CIBAR1: variants seen among roughly 807,000 people sequenced by gnomAD.
The protein encoded by CIBAR1 is CBY1-interacting BAR domain-containing protein 1.
Under a neutral mutation model 44.0 loss-of-function variants are expected in CIBAR1, and 25 were observed. The observed-to-expected ratio is 0.57, with a 90% CI of 0.41 to 0.79. The LOEUF (loss-of-function observed/expected upper bound fraction) is 0.79, where lower values mean the gene tolerates loss of function less well. Ranked by LOEUF, CIBAR1 falls within the 30% of genes least tolerant of loss-of-function variation. The pLI, the probability that CIBAR1 is intolerant of heterozygous loss-of-function variation, is 0.00. For missense variants in CIBAR1, 278 were observed against 344.8 expected (o/e 0.81, Z 1.53); for synonymous variants, 115 against 119.0 (o/e 0.97, Z 0.22).
chr8:93,702,254 TAA>T (rs771274771), intron 2 of CIBAR1: 6 of 428,582 alleles, frequency 1.4e-5, no homozygotes, highest in Non-Finnish European at 2.8e-5. Context: ...ATTTGAAGAG[TAA>T]TCATATTTGG....
chr8:93,725,103 C>T lies in CIBAR1; in HGVS notation c.658-1291C>T, dbSNP rs1811425515. ...GCTCAAGTGATTCTCCTGCGTCAGC[C>T]TCCCAAGTAGCTGGGACTACAAGCA... On this transcript the variant is annotated intron_variant, in intron 7 of 8. Transcript: ENST00000518322. Among the ~76,000 whole-genome samples, 11 of 152,290 alleles carry T rather than the reference C, an allele frequency of 7.2e-5. 1 individual carries two copies. The South Asian group carries it at 2.3e-3, about 32-fold the overall frequency.
Position 93,709,676 on chromosome 8 carries a change from G to T in CIBAR1, c.439-95G>T. 3.2e-6 allele frequency: 3 copies of T among 924,942 alleles called. No homozygotes were observed. The South Asian group carries it at 4.2e-5, about 13-fold the overall frequency. 57.3% of individuals were successfully genotyped at this position (924,942 alleles called of 1,614,324 possible). A position where few individuals can be genotyped will look rare whatever the true frequency, so the allele number is the denominator to read the frequency against. ...ACAATTTACACTGTTATGCCAAAAA[G>T]CCAGTACTGCAATGGTAGAATTTAC... On this transcript the variant is annotated intron_variant, in intron 5 of 8. Coordinates refer to ENST00000518322, the MANE Select transcript of CIBAR1 (RefSeq NM_145269.5).
chr8:93,726,775 A>C, intron 8 of CIBAR1: 1 of 415,104 alleles, frequency 2.4e-6, no homozygotes, highest in East Asian at 5.4e-5. Flanking sequence ...ATGCTAATGC[A>C]GATGTGTTAT....
intron 6 of CIBAR1, among the ~76,000 whole-genome samples, chr8:93,712,159 A>G (rs1331644392): frequency 6.6e-6 from 1 of 152,236 alleles, no homozygotes; most frequent in Non-Finnish European, 1.5e-5. Context: ...ACAGATATAT[A>G]TCACCACTCA....
chr8:93,702,501 T>C (rs549127788), intron 2 of CIBAR1: 88 of 455,348 alleles, frequency 1.9e-4, no homozygotes, highest in Non-Finnish European at 3.6e-4. Context: ...TTATTTCCCT[T>C]GCTTACCAAA....
chr8:93,713,026 T>TTTCC (rs1488459081), intron 6 of CIBAR1, among the ~76,000 whole-genome samples: 1 of 3,824 alleles, frequency 2.6e-4, no homozygotes, highest in African/African-American at 1.8e-3. Context: ...TTTTTCTCCT[T>TTTCC]TTTTTTCTTT....
intron 7 of CIBAR1, among the ~76,000 whole-genome samples, chr8:93,721,465 CTAAG>C (rs1409784865): frequency 8.5e-5 from 13 of 152,114 alleles, no homozygotes. Context: ...AATCAGCCAT[CTAAG>C]TAGTTTGTGG....
chr8:93,706,639 A>C (rs1009503877), intron 4 of CIBAR1, among the ~76,000 whole-genome samples: 8 of 152,238 alleles, frequency 5.3e-5, no homozygotes, highest in African/African-American at 1.9e-4. Context: ...CTGTGCTGTA[A>C]ACACTGCTGT....
chr8:93,715,366 G>A (rs1403308862), intron 6 of CIBAR1: 1 of 152,092 alleles, frequency 6.6e-6, no homozygotes, highest in East Asian at 1.9e-4. Flanking sequence ...ACATGAGCAA[G>A]AAACATCATA....
At chr8:93,709,024 AT>A (rs2130309598) in intron 5 of CIBAR1, among the ~76,000 whole-genome samples, 1 of 152,296 alleles carries the variant, frequency 6.6e-6, no homozygotes, top group Admixed American at 6.5e-5. Flanking sequence ...TACACCTGTA[AT>A]CCCTGCACTT....
intron 8 of CIBAR1, among the ~76,000 whole-genome samples, chr8:93,727,944 T>C (rs925536878): frequency 2.6e-5 from 4 of 152,256 alleles, no homozygotes; most frequent in African/African-American, 9.6e-5. Flanking sequence ...GTCTATACTT[T>C]TAATGTTTTT....
At position 93,730,713 on chromosome 8, in the gene CIBAR1, A is replaced by ATT. The variant is rs1811756758; in HGVS notation, c.*2416_*2417insTT. On this transcript the variant is annotated 3_prime_UTR_variant, in exon 9 of 9. Coordinates refer to ENST00000518322, the MANE Select transcript of CIBAR1 (RefSeq NM_145269.5). ...ATGGCCAATTTGTTATTGACATATCACTAAAGGCAGAGTTGGAGAGAGATG... is the reference window on the plus strand; with the variant it reads ...ATGGCCAATTTGTTATTGACATATCATTCTAAAGGCAGAGTTGGAGAGAGATG... The ATT allele has an allele frequency of 1.5e-5, 2 of 135,576 alleles. No individual in the cohort carries two copies. Among genetic ancestry groups the ATT allele is most frequent in the Admixed American group, 1.6e-4 (2 of 12,302 alleles). The allele number at this position is 135,576 out of a possible 1,614,324, so 8.4% of individuals were successfully genotyped here.
intron 4 of CIBAR1, among the ~76,000 whole-genome samples, chr8:93,705,732 A>C (rs1810552883): frequency 6.6e-6 from 1 of 152,248 alleles, no homozygotes; most frequent in South Asian, 2.1e-4. Flanking sequence ...CAGGCAGATC[A>C]TGAGGTCAGG....
In CIBAR1 at chr8:93,728,207, A is replaced by T. The variant is rs1811622874; in HGVS notation, c.780A>T (p.Val260=). Residue 260 remains valine, a splice_region_variant and synonymous_variant, in exon 9 of 9, where the codon GTA becomes GTT. Transcript: ENST00000518322. ...SAKCVSGTGQ[V]STCRLRKDQQ... is the part of the protein sequence containing the mutation. ...AAAAGTGTGTTAACTTTTAACAGGTATCCACTTGTCGACTAAGAAAGGATC... is the reference window on the plus strand; with the variant it reads ...AAAAGTGTGTTAACTTTTAACAGGTTTCCACTTGTCGACTAAGAAAGGATC... 6.4e-7 allele frequency: 1 copy of T among 1,565,670 alleles called. No individual in the cohort carries two copies. Among genetic ancestry groups the T allele is most frequent in the African/African-American group, 1.4e-5 (1 of 72,274 alleles).
At chr8:93,722,969 C>T (rs937973717) in intron 7 of CIBAR1, among the ~76,000 whole-genome samples, 1 of 152,168 alleles carries the variant, frequency 6.6e-6, no homozygotes, top group Admixed American at 6.5e-5. Context: ...CAAATACCAG[C>T]TAATGAGTCA....
At position 93,728,293 on chromosome 8, in the gene CIBAR1, A is replaced by G; in HGVS notation, c.866A>G (p.Lys289Arg). 1 of 1,564,868 alleles carries G rather than the reference A, an allele frequency of 6.4e-7. No individual in the cohort carries two copies. Among genetic ancestry groups the G allele is most frequent in the Non-Finnish European group, 8.7e-7 (1 of 1,151,994 alleles). ...GTTACAGAAGAAGAAAATTTTCTTA[A>G]GTAAACTACACATTTCCATTTTCAT... ...LDVTEEENFL[K>R] Residue 289 changes from lysine (K) to arginine (R), a missense_variant, in exon 9 of 9, where the codon AAG becomes AGG. Physicochemically the swap from Lys to Arg is conservative, Grantham distance 26 (BLOSUM62 2). This residue lies in a region of CIBAR1 where 93 missense variants were observed against 108.9 expected (regional missense o/e 0.85). Transcript: ENST00000518322.
rs993100465 is a variant in CIBAR1, at chr8:93,700,607, C to T, written c.-41C>T. On this transcript the variant is annotated 5_prime_UTR_variant, in exon 1 of 9. Transcript: ENST00000518322. Reference sequence around the variant, plus strand: ...CGCCCAGGCGCCTTGGAATCCCCGTCCTTGGGCCCCCGCAAGGTCCCCGGC... The same window carrying T: ...CGCCCAGGCGCCTTGGAATCCCCGTTCTTGGGCCCCCGCAAGGTCCCCGGC... 2.0e-6 allele frequency: 3 copies of T among 1,478,604 alleles called. No homozygotes were observed. Among genetic ancestry groups the T allele is most frequent in the Non-Finnish European group, 2.7e-6 (3 of 1,114,542 alleles). The allele number at this position is 1,478,604 out of a possible 1,614,324, so 91.6% of individuals were successfully genotyped here.
chr8:93,722,514 T>C (rs1811304406), intron 7 of CIBAR1, among the ~76,000 whole-genome samples: 1 of 152,042 alleles, frequency 6.6e-6, no homozygotes, highest in African/African-American at 2.4e-5. Flanking sequence ...CTGGCCAACA[T>C]GATGAAACTC....
intron 7 of CIBAR1, 96 bp from the exon 8 acceptor site, chr8:93,726,298 G>T: frequency 8.6e-7 from 1 of 1,156,216 alleles, no homozygotes; most frequent in Non-Finnish European, 1.2e-6. Flanking sequence ...GGGGGGAGTT[G>T]TTTTTTTAAA....
Sources: gnomAD v4.1 joint callset for allele counts (sites outside exome capture counted in the v4.1 genomes callset) on GRCh38, gnomAD v4.1.1 for gene constraint, gnomAD v4.1.1 regional missense constraint, MANE v1.5 for transcripts, NCBI Gene and HGNC (gene_info 2026-07-23, HGNC 2026-07-21) for gene names.